Variants in YLPM1 observed in about 807,000 individuals in gnomAD.
YLPM1 encodes YLP motif-containing protein 1.
Under a neutral mutation model 230.0 loss-of-function variants are expected in YLPM1, and 99 were observed. That is an observed-to-expected ratio of 0.43 (90% confidence interval 0.37 to 0.51). YLPM1 has a LOEUF of 0.51. Ranked by LOEUF, YLPM1 falls within the 20% of genes least tolerant of loss-of-function variation. The pLI is 0.00. For synonymous variants in YLPM1, 984 were observed against 942.5 expected, an observed-to-expected ratio of 1.04 and a Z score of -0.81; for missense variants, 2,592 against 2,707.7, an observed-to-expected ratio of 0.96 and a Z score of 0.95.
chr14:74,771,833 A>G (rs2090979353), intron 1 of YLPM1, among the ~76,000 whole-genome samples: 2 of 152,216 alleles, frequency 1.3e-5, no homozygotes, highest in South Asian at 4.1e-4. Context: ...AGCTGGAGGA[A>G]TAGATGAAGT....
intron 16 of YLPM1, 62 bp downstream of exon 16, chr14:74,818,376 G>T: frequency 7.0e-7 from 1 of 1,418,570 alleles, no homozygotes; most frequent in Admixed American, 2.3e-5. Context: ...TTTTTACTTT[G>T]AAAAACTTAA....
chr14:74,803,829 A>G (rs2091351807), intron 6 of YLPM1, among the ~76,000 whole-genome samples: 1 of 152,136 alleles, frequency 6.6e-6, no homozygotes, highest in Admixed American at 6.5e-5. Flanking sequence ...TTTTAAGCCT[A>G]TAGTTCGAGT....
chr14:74,815,497 G>A (rs1409477113), intron 11 of YLPM1, among the ~76,000 whole-genome samples: 1 of 151,776 alleles, frequency 6.6e-6, no homozygotes, highest in Non-Finnish European at 1.5e-5. Context: ...GGGAGGCAGA[G>A]GTTGCGATGA....
chr14:74,810,201 AT>A (rs1274760603), intron 8 of YLPM1, 23 bp from the exon 9 acceptor site: 1 of 1,607,510 alleles, frequency 6.2e-7, no homozygotes, highest in Non-Finnish European at 8.5e-7. Context: ...GGATATAGTT[AT>A]TTTGTACTAA....
rs758304043 is a variant in YLPM1, at chr14:74,764,384, C to T, written c.873+22C>T. ...ACAGGTAAGAAAGCATCTGCCTGAA[C>T]CTCATCTTTCACCTAGAGGGCCCTG... On this transcript the variant is annotated intron_variant, in intron 1 of 20. Transcript: ENST00000325680. 3 of 1,572,364 alleles carry T rather than the reference C, an allele frequency of 1.9e-6. No homozygotes were observed. In the East Asian group the frequency reaches 6.8e-5, roughly 36 times the overall value.
intron 4 of YLPM1, among the ~76,000 whole-genome samples, chr14:74,794,298 C>G (rs1466312454): frequency 6.6e-6 from 1 of 152,156 alleles, no homozygotes; most frequent in Non-Finnish European, 1.5e-5. Context: ...ATTCTCCTAC[C>G]TCTGCCTTCC....
chr14:74,763,487 G>T lies in YLPM1; in HGVS notation c.-3G>T. On this transcript the variant is annotated 5_prime_UTR_variant, in exon 1 of 21. Coordinates refer to ENST00000325680, the MANE Select transcript of YLPM1 (RefSeq NM_019589.3). The stretch of plus-strand genomic sequence containing the variant: ...GGACGAGCCCTGCGCCTTCTTTTTC[G>T]ATATGTACCCGAATTGGGGCCGGTA... The T allele has an allele frequency of 6.9e-7, 1 of 1,444,552 alleles. No homozygotes were observed. The highest frequency in any genetic ancestry group is 1.5e-5 in the South Asian group (1 of 67,406). 89.5% of individuals were successfully genotyped at this position (1,444,552 alleles called of 1,614,324 possible). A position where few individuals can be genotyped will look rare whatever the true frequency, so the allele number is the denominator to read the frequency against.
At chr14:74,817,743 T>C (rs2091490821) in intron 15 of YLPM1, among the ~76,000 whole-genome samples, 1 of 152,116 alleles carries the variant, frequency 6.6e-6, no homozygotes, top group Non-Finnish European at 1.5e-5. Context: ...TTGTTTCTTT[T>C]CCTAGCTCTT....
chr14:74,824,026 A>T, intron 17 of YLPM1: 1 of 460,708 alleles, frequency 2.2e-6, no homozygotes, highest in Non-Finnish European at 3.9e-6. Context: ...AAGCGCCTTC[A>T]TGATACTATT....
rs1420382424 is a variant in YLPM1, at chr14:74,811,750, C to T, written c.5347+12C>T. ...ATCCATGTTTGGAGGTAGAGTGATG[C>T]CTTATTAACTACAAGGATGTTGAGA... On this transcript the variant is annotated intron_variant, in intron 10 of 20. Coordinates refer to ENST00000325680, the MANE Select transcript of YLPM1 (RefSeq NM_019589.3). 1 of 1,519,088 alleles carries T rather than the reference C, an allele frequency of 6.6e-7. No homozygotes were observed. 94.1% of individuals were successfully genotyped at this position (1,519,088 alleles called of 1,614,324 possible). A position where few individuals can be genotyped will look rare whatever the true frequency, so the allele number is the denominator to read the frequency against.
chr14:74,802,937 A>C (rs2091342177), intron 6 of YLPM1, among the ~76,000 whole-genome samples: 1 of 152,176 alleles, frequency 6.6e-6, no homozygotes, highest in Non-Finnish European at 1.5e-5. Flanking sequence ...ACAAAATGGT[A>C]GAATTTTTCT....
At chr14:74,835,242 G>A (rs779769736) in intron 19 of YLPM1, 23 bp from the exon 20 acceptor site, 3 of 1,612,874 alleles carry the variant, frequency 1.9e-6, no homozygotes, top group Non-Finnish European at 8.5e-7. Context: ...CTAAAGCTCA[G>A]CCTAATGCTA....
rs747378396 is a variant in YLPM1, at chr14:74,797,671, G to A, written c.2374G>A (p.Gly792Arg). ...GPRFEGNRPD[G>R]PRPRYEGHPA... The stretch of plus-strand genomic sequence containing the variant: ...TCGTTTTGAAGGAAATCGCCCCGAT[G>A]GGCCAAGACCCAGATATGAAGGTCA... The change falls in exon 5 of 21, where the codon GGG becomes AGG. Residue 792 changes from glycine to arginine, a missense_variant. By Grantham distance (125) the Gly-to-Arg change is moderately radical (BLOSUM62 -2). Transcript: ENST00000325680. The A allele has an allele frequency of 1.9e-6, 3 of 1,602,532 alleles. No individual in the cohort carries two copies. The highest frequency in any genetic ancestry group is 1.7e-6 in the Non-Finnish European group (2 of 1,173,350).
chr14:74,770,611 T>A (rs2140072238), intron 1 of YLPM1, among the ~76,000 whole-genome samples: 1 of 149,618 alleles, frequency 6.7e-6, no homozygotes, highest in African/African-American at 2.4e-5. Flanking sequence ...GGCGACAGAG[T>A]GGGACTCCAT....
intron 1 of YLPM1, among the ~76,000 whole-genome samples, chr14:74,776,681 CAT>C (rs1274891518): frequency 2.6e-5 from 4 of 152,170 alleles, no homozygotes; most frequent in African/African-American, 9.7e-5. Flanking sequence ...GGAATGCACA[CAT>C]GAGTCAGGGG....
At chr14:74,765,669 TCTCA>T (rs1210300564) in intron 1 of YLPM1, among the ~76,000 whole-genome samples, 1 of 152,236 alleles carries the variant, frequency 6.6e-6, no homozygotes, top group East Asian at 1.9e-4. Flanking sequence ...ACATTTATAT[TCTCA>T]CTCTACTAGA....
intron 4 of YLPM1, among the ~76,000 whole-genome samples, chr14:74,794,058 G>C (rs962863586): frequency 1.3e-5 from 2 of 152,112 alleles, no homozygotes; most frequent in Non-Finnish European, 2.9e-5. Flanking sequence ...GTACAAACAA[G>C]ATTTTCATCT....
chr14:74,781,873 C>T lies in YLPM1; in HGVS notation c.1830C>T (p.Leu610=). The T allele has an allele frequency of 9.9e-6, 16 of 1,613,678 alleles. No homozygotes were observed. The highest frequency in any genetic ancestry group is 1.4e-5 in the Non-Finnish European group (16 of 1,179,766). The change falls in exon 4 of 21, where the codon CTC becomes CTT. Residue 610 remains leucine (L), a synonymous_variant. Coordinates refer to ENST00000325680, the MANE Select transcript of YLPM1 (RefSeq NM_019589.3). ...CACCAGTTCTTCCCCCACCATCTCT[C>T]TCTTCAACAGCACCTCCACCTGTCA... ...GPPPVLPPPS[L]SSTAPPPVMP...
chr14:74,805,991 C>T (rs1052009624), intron 6 of YLPM1, among the ~76,000 whole-genome samples: 1 of 150,754 alleles, frequency 6.6e-6, no homozygotes. Flanking sequence ...CAGGCATGAG[C>T]CACCACACCT....
Sources: allele counts gnomAD v4.1 joint callset (sites outside exome capture counted in the v4.1 genomes callset), GRCh38; gene constraint gnomAD v4.1.1; transcripts MANE v1.5; gene names NCBI Gene and HGNC (gene_info 2026-07-23, HGNC 2026-07-21).